The following RNF19A variants were observed in gnomAD, a reference collection of about 807,000 sequenced individuals.
RNF19A encodes E3 ubiquitin-protein ligase RNF19A.
A neutral mutation model predicts 75.7 loss-of-function variants in RNF19A; 32 were observed. The observed-to-expected ratio is 0.42, with a 90% CI of 0.32 to 0.57. The LOEUF (loss-of-function observed/expected upper bound fraction) is 0.57, where lower values mean the gene tolerates loss of function less well. RNF19A is among the 20% of genes least tolerant of loss of function. The pLI is 0.10. For missense variants in RNF19A, 782 were observed against 1,036.3 expected, an observed-to-expected ratio of 0.75 and a Z score of 3.37; for synonymous variants, 335 against 345.2, an observed-to-expected ratio of 0.97 and a Z score of 0.33.
At position 100,287,536 on chromosome 8, in the gene RNF19A, A is replaced by G; in HGVS notation, c.639T>C (p.Asp213=). Reference sequence around the variant, plus strand: ...GAGCTGGACACCACCTACAATCAGGATCTGCAACAAGCCACCGTCTAAGCA... The same window carrying G: ...GAGCTGGACACCACCTACAATCAGGGTCTGCAACAAGCCACCGTCTAAGCA... The part of the protein sequence containing the change: ...EFMLRRWLVA[D]PDCRWCPAPD... The change falls in exon 2 of 10, where the codon GAT becomes GAC. Residue 213 remains aspartate, a synonymous_variant. Transcript: ENST00000341084. This position sits in a 1 kb window ranked among gnomAD's most constrained non-coding sequence, Gnocchi z 4.1. 1 of 1,613,894 alleles carries G rather than the reference A, an allele frequency of 6.2e-7. No homozygotes were observed. The highest frequency in any genetic ancestry group is 8.5e-7 in the Non-Finnish European group (1 of 1,179,808).
rs1167173344 is a variant in RNF19A, at chr8:100,259,183, G to C, written c.1890C>G (p.Asn630Lys). The stretch of plus-strand genomic sequence containing the variant: ...CATCATCCACACTACTGCTTCCACT[G>C]TTGTGCCTGAATTTGGATGGCTTTG... Reference protein sequence around the residue: ...IESKPSKFRHNSGSSSVDDGS... With the variant: ...IESKPSKFRHKSGSSSVDDGS... The change falls in exon 10 of 10, where the codon AAC (asparagine) becomes AAG (lysine). Residue 630 changes from asparagine to lysine, a missense_variant. By Grantham distance (94) the Asn-to-Lys change is moderately conservative. Transcript: ENST00000341084. The surrounding 1 kb of genome is among the most constrained non-coding windows in gnomAD (Gnocchi z 4.5). 1 of 1,614,034 alleles carries C rather than the reference G, an allele frequency of 6.2e-7. No individual in the cohort carries two copies. The highest frequency in any genetic ancestry group is 8.5e-7 in the Non-Finnish European group (1 of 1,180,002).
rs1056977693 is a variant in RNF19A, at chr8:100,323,901, T to C, written c.-242-10529A>G. On this transcript the variant is annotated intron_variant, in intron 1 of 3. Coordinates refer to the RNF19A transcript ENST00000519527. The surrounding 1 kb of genome is among the most constrained non-coding windows in gnomAD (Gnocchi z 4.6). ...CATTCCTGTCAACGATCAAAGAAAG[T>C]AAGATTTTTAAATGGTTGGATAACT... Among the ~76,000 whole-genome samples, 3 of 152,144 alleles carry C rather than the reference T, an allele frequency of 2.0e-5. No individual in the cohort carries two copies. Among genetic ancestry groups the C allele is most frequent in the Non-Finnish European group, 4.4e-5 (3 of 68,022 alleles).
At chr8:100,266,026 C>T (rs1443800846) in intron 5 of RNF19A, among the ~76,000 whole-genome samples, 1 of 152,252 alleles carries the variant, frequency 6.6e-6, no homozygotes, top group Non-Finnish European at 1.5e-5. Flanking sequence ...CTTGCAAAGG[C>T]AGGCTGCCAA....
At position 100,323,791 on chromosome 8, in the gene RNF19A, G is replaced by C. The variant is rs1479919347; in HGVS notation, c.-242-10419C>G. On this transcript the variant is annotated intron_variant, in intron 1 of 3. Transcript: ENST00000519527. The surrounding 1 kb of genome is among the most constrained non-coding windows in gnomAD (Gnocchi z 4.6). The stretch of plus-strand genomic sequence containing the variant: ...TTAGGGCTGGAAGGGAAAATTTAGG[G>C]CCCTGTGTTAACTTGTTGAAATTCA... Among the ~76,000 whole-genome samples, 3 of 152,172 alleles carry C rather than the reference G, an allele frequency of 2.0e-5. No individual in the cohort carries two copies. The highest frequency in any genetic ancestry group is 7.2e-5 in the African/African-American group (3 of 41,432).
intron 1 of RNF19A, among the ~76,000 whole-genome samples, chr8:100,319,935 A>G (rs534369377): frequency 6.7e-6 from 1 of 150,240 alleles, no homozygotes; most frequent in Middle Eastern, 3.5e-3. Context: ...TCCCGGGTTC[A>G]AGCAATTCTC....
In RNF19A at chr8:100,330,134, C is replaced by A. The variant is rs552795009; in HGVS notation, c.-243+5974G>T. Reference sequence around the variant, plus strand: ...CTCTACCGACGTTTCCATCCAAACACCATCCCTTCCACTTCTTCCAGAGTT... The same window carrying A: ...CTCTACCGACGTTTCCATCCAAACAACATCCCTTCCACTTCTTCCAGAGTT... On this transcript the variant is annotated intron_variant, in intron 1 of 3. Coordinates refer to the RNF19A transcript ENST00000519527. This position sits in a 1 kb window ranked among gnomAD's most constrained non-coding sequence, Gnocchi z 4.1. Among the ~76,000 whole-genome samples the A allele has an allele frequency of 3.9e-5, 6 of 152,234 alleles. No individual in the cohort carries two copies. The East Asian group carries it at 9.6e-4, about 24-fold the overall frequency.
At position 100,259,098 on chromosome 8, in the gene RNF19A, T is replaced by C. The variant is rs769122984; in HGVS notation, c.1975A>G (p.Ser659Gly). 12 of 1,614,196 alleles carry C rather than the reference T, an allele frequency of 7.4e-6. No homozygotes were observed. Among genetic ancestry groups the C allele is most frequent in the Non-Finnish European group, 1.0e-5 (12 of 1,180,036 alleles). Residue 659 changes from serine to glycine, a missense_variant, in exon 10 of 10, where the codon AGT becomes GGT. Physicochemically the swap from Ser to Gly is moderately conservative, Grantham distance 56. Coordinates refer to ENST00000341084, the MANE Select transcript of RNF19A (RefSeq NM_183419.4). The surrounding 1 kb of genome is among the most constrained non-coding windows in gnomAD (Gnocchi z 4.5). ...SSSGLPEGKS[S>G]ATKWSKEATA... ...GCTTCTTTGGACCACTTGGTGGCACTAGATTTACCTTCAGGCAAGCCACTG... is the reference window on the plus strand; with the variant it reads ...GCTTCTTTGGACCACTTGGTGGCACCAGATTTACCTTCAGGCAAGCCACTG...
chr8:100,273,875 T>C (rs1200435290), intron 3 of RNF19A, among the ~76,000 whole-genome samples: 1 of 152,156 alleles, frequency 6.6e-6, no homozygotes, highest in African/African-American at 2.4e-5. Context: ...CTCTGCCTCC[T>C]GGGTTCAAGT....
Position 100,322,215 on chromosome 8 carries a change from A to G in RNF19A, c.-242-8843T>C, listed in dbSNP as rs1255538202. On this transcript the variant is annotated intron_variant, in intron 1 of 3. Transcript: ENST00000519527. The surrounding 1 kb of genome is among the most constrained non-coding windows in gnomAD (Gnocchi z 5.1). ...CTTCCTATATGAGTCTGTTTAGTCT[A>G]TATTGAAAATCTGTTGTTTAGTATA... Among the ~76,000 whole-genome samples the G allele has an allele frequency of 2.0e-5, 3 of 152,316 alleles. No homozygotes were observed. The highest frequency in any genetic ancestry group is 1.9e-4 in the East Asian group (1 of 5,190).
Position 100,287,483 on chromosome 8 carries a change from C to A in RNF19A, c.674+18G>T. 6.5e-7 allele frequency: 1 copy of A among 1,542,136 alleles called. No individual in the cohort carries two copies. ...AGAAAAAAATTAACTCAAGAAAAATCAAACATTATCTTCTTACCCACAGTC... is the reference window on the plus strand; with the variant it reads ...AGAAAAAAATTAACTCAAGAAAAATAAAACATTATCTTCTTACCCACAGTC... On this transcript the variant is annotated intron_variant, in intron 2 of 9. Coordinates refer to ENST00000341084, the MANE Select transcript of RNF19A (RefSeq NM_183419.4). The surrounding 1 kb of genome is among the most constrained non-coding windows in gnomAD (Gnocchi z 4.1).
chr8:100,265,076 C>G (rs752243895), intron 5 of RNF19A, among the ~76,000 whole-genome samples: 1 of 152,076 alleles, frequency 6.6e-6, no homozygotes, highest in Non-Finnish European at 1.5e-5. Context: ...AATTATGTAT[C>G]GAGCAAAGAG....
rs180857375 is a variant in RNF19A at position 100,330,878 on chromosome 8, G to A, written c.-243+5230C>T. ...ACAACCCTCTTGAGACTCTTGCTGT[G>A]TATACAGCATTAATGCGAAAAGTGC... On this transcript the variant is annotated intron_variant, in intron 1 of 3. Coordinates refer to the RNF19A transcript ENST00000519527. This position sits in a 1 kb window ranked among gnomAD's most constrained non-coding sequence, Gnocchi z 4.1. Among the ~76,000 whole-genome samples the A allele has an allele frequency of 1.3e-5, 2 of 152,300 alleles. No homozygotes were observed. The highest frequency in any genetic ancestry group is 1.9e-4 in the East Asian group (1 of 5,188).
intron 5 of RNF19A, among the ~76,000 whole-genome samples, chr8:100,267,025 C>G (rs1045595146): frequency 6.6e-6 from 1 of 152,042 alleles, no homozygotes; most frequent in Non-Finnish European, 1.5e-5. Flanking sequence ...AAGTTAGAAA[C>G]AGAAATAAAG....
Position 100,258,851 on chromosome 8 carries a change from G to A in RNF19A, c.2222C>T (p.Thr741Ile), listed in dbSNP as rs200711298. The change falls in exon 10 of 10, where the codon ACT becomes ATT. Residue 741 changes from threonine (T) to isoleucine (I), a missense_variant. By Grantham distance (89) the Thr-to-Ile change is moderately conservative. This residue lies in a region of RNF19A where 442 missense variants were observed against 541.6 expected (regional missense o/e 0.82). Coordinates refer to ENST00000341084, the MANE Select transcript of RNF19A (RefSeq NM_183419.4). This position sits in a 1 kb window ranked among gnomAD's most constrained non-coding sequence, Gnocchi z 4.3. ...ATCACTGGAACCATGACTACAAGAA[G>A]TTTTCATGCTTTCTAGGTCAGAACA... ...FSCSDLESMK[T>I]SCSHGSSDYH... 8 of 1,614,136 alleles carry A rather than the reference G, an allele frequency of 5.0e-6. No homozygotes were observed. The highest frequency in any genetic ancestry group is 5.9e-6 in the Non-Finnish European group (7 of 1,180,026).
At chr8:100,296,496 T>G (rs1423458220) in intron 1 of RNF19A, among the ~76,000 whole-genome samples, 1 of 152,148 alleles carries the variant, frequency 6.6e-6, no homozygotes, top group Admixed American at 6.5e-5. Flanking sequence ...AGCACATTTT[T>G]AGAAAAAAAT....
chr8:100,283,404 G>T (rs1411257692), intron 2 of RNF19A, among the ~76,000 whole-genome samples: 1 of 152,150 alleles, frequency 6.6e-6, no homozygotes, highest in Admixed American at 6.5e-5. Flanking sequence ...ACTATGGCTG[G>T]ATTTTTCTCT....
At chr8:100,297,428 C>T (rs940551983) in intron 1 of RNF19A, among the ~76,000 whole-genome samples, 3 of 152,184 alleles carry the variant, frequency 2.0e-5, no homozygotes. Context: ...GTTACATGCT[C>T]ATCTGCTTCA....
chr8:100,318,582 A>T (rs1357336777), intron 1 of RNF19A, among the ~76,000 whole-genome samples: 1 of 152,286 alleles, frequency 6.6e-6, no homozygotes, highest in Non-Finnish European at 1.5e-5. Flanking sequence ...TATAACTGTA[A>T]GCAATGAGTA....
intron 2 of RNF19A, among the ~76,000 whole-genome samples, chr8:100,277,313 T>A (rs2129751418): frequency 6.6e-6 from 1 of 152,290 alleles, no homozygotes; most frequent in Non-Finnish European, 1.5e-5. Context: ...TCCCTTAGTA[T>A]CACACTCTTT....
Sources: allele counts gnomAD v4.1 joint callset (sites outside exome capture counted in the v4.1 genomes callset), GRCh38; gene constraint gnomAD v4.1.1; regional missense constraint gnomAD v4.1.1; non-coding constraint Gnocchi (gnomAD v3.1); transcripts MANE v1.5; gene names NCBI Gene and HGNC (gene_info 2026-07-23, HGNC 2026-07-21).